The following HELLS variants were observed in gnomAD, a reference collection of about 807,000 sequenced individuals.
HELLS encodes the protein lymphoid-specific helicase.
Under a neutral mutation model 120.0 loss-of-function variants are expected in HELLS, and 32 were observed. That is an observed-to-expected ratio of 0.27 (90% CI 0.20 to 0.36). HELLS has a LOEUF of 0.36. HELLS is among the 10% of genes least tolerant of loss of function. The probability of loss-of-function intolerance (pLI) is 1.00; values close to 1 mark genes in which losing one functional copy is unlikely to be tolerated. For synonymous variants in HELLS, 341 were observed against 323.4 expected, an observed-to-expected ratio of 1.05 and a Z score of -0.58; for missense variants, 650 against 993.4, an observed-to-expected ratio of 0.65 and a Z score of 4.65.
At chr10:94,550,366 C>G (rs1842924423) in intron 2 of HELLS, among the ~76,000 whole-genome samples, 1 of 152,042 alleles carries the variant, frequency 6.6e-6, no homozygotes, top group South Asian at 2.1e-4. Context: ...GCGACCTTCA[C>G]CTGCCGGGTT....
chr10:94,595,660 G>A (rs947795286), intron 19 of HELLS, among the ~76,000 whole-genome samples: 1 of 152,058 alleles, frequency 6.6e-6, no homozygotes, highest in Non-Finnish European at 1.5e-5. Flanking sequence ...GTGGGGAACT[G>A]ACATAGGTGA....
downstream of HELLS, among the ~76,000 whole-genome samples, chr10:94,604,735 A>C (rs1846109089): frequency 6.6e-6 from 1 of 152,168 alleles, no homozygotes; most frequent in Non-Finnish European, 1.5e-5. Context: ...AGTATTATTA[A>C]AGCTTTAGAT....
At chr10:94,552,633 G>A (rs1843042909) in intron 2 of HELLS, among the ~76,000 whole-genome samples, 1 of 152,146 alleles carries the variant, frequency 6.6e-6, no homozygotes, top group Non-Finnish European at 1.5e-5. Flanking sequence ...TATAATTGTT[G>A]CAGTACATGT....
intron 2 of HELLS, among the ~76,000 whole-genome samples, chr10:94,550,767 T>C (rs1298560262): frequency 6.6e-6 from 1 of 152,062 alleles, no homozygotes; most frequent in Admixed American, 6.5e-5. Context: ...CACGCGCCTA[T>C]AGTCCTAGCT....
At chr10:94,604,044 T>C (rs1175752468), downstream of HELLS, among the ~76,000 whole-genome samples, 1 of 151,898 alleles carries the variant, frequency 6.6e-6, no homozygotes, top group African/African-American at 2.4e-5. Flanking sequence ...GTAAGGCTGG[T>C]CTCCAACTCC....
chr10:94,563,808 C>CTTTTTT (rs10623208), intron 6 of HELLS, among the ~76,000 whole-genome samples: 1 of 136,424 alleles, frequency 7.3e-6, no homozygotes, highest in Non-Finnish European at 1.6e-5. Flanking sequence ...GTTTTCTTTT[C>CTTTTTT]TTTTTTTTTT....
At position 94,591,095 on chromosome 10, in the gene HELLS, GA is replaced by G. The variant is rs533771743; in HGVS notation, c.1767+320del. Among the ~76,000 whole-genome samples the G allele has an allele frequency of 1.4e-3, 217 of 152,228 alleles. 1 individual carries two copies. The highest frequency in any genetic ancestry group is 1.3e-3 in the Non-Finnish European group (87 of 68,012). Reference sequence around the variant, plus strand: ...CAGGCAATCCTGCCTCAGCTTCCCAGAGTGCTAGGATTACAGGCAAGAGCCA... The same window carrying G: ...CAGGCAATCCTGCCTCAGCTTCCCAGGTGCTAGGATTACAGGCAAGAGCCA... On this transcript the variant is annotated intron_variant, in intron 15 of 21. Coordinates refer to ENST00000348459, the MANE Select transcript of HELLS (RefSeq NM_018063.5).
chr10:94,567,368 G>A (rs574866320), intron 6 of HELLS, among the ~76,000 whole-genome samples: 5 of 152,084 alleles, frequency 3.3e-5, no homozygotes, highest in East Asian at 3.9e-4. Context: ...GCGCCATCTC[G>A]GCTCATTGCA....
At chr10:94,565,365 T>C (rs1213802847) in intron 6 of HELLS, among the ~76,000 whole-genome samples, 1 of 151,222 alleles carries the variant, frequency 6.6e-6, no homozygotes, top group Non-Finnish European at 1.5e-5. Flanking sequence ...CCACTGAAAT[T>C]CATTATGGTA....
chr10:94,613,288 T>G (rs1259920358), exon 10 of HELLS: 1 of 152,262 alleles, frequency 6.6e-6, no homozygotes, highest in Non-Finnish European at 1.5e-5. Flanking sequence ...TTTGCATTTC[T>G]TCCATTTTAT....
chr10:94,589,387 A>G (rs1159373973), intron 13 of HELLS, among the ~76,000 whole-genome samples: 1 of 152,204 alleles, frequency 6.6e-6, no homozygotes, highest in Non-Finnish European at 1.5e-5. Context: ...GGAAATGCTT[A>G]TTGGAGCATT....
At chr10:94,565,353 G>T (rs1029416932) in intron 6 of HELLS, among the ~76,000 whole-genome samples, 2 of 151,260 alleles carry the variant, frequency 1.3e-5, no homozygotes, top group African/African-American at 4.9e-5. Flanking sequence ...CAAAGTTAGG[G>T]TCCACTGAAA....
At chr10:94,562,042 A>G (rs1843584063) in intron 4 of HELLS, among the ~76,000 whole-genome samples, 1 of 151,132 alleles carries the variant, frequency 6.6e-6, no homozygotes, top group African/African-American at 2.4e-5. Flanking sequence ...CTGCCTCCCA[A>G]AGTGCTGGGA....
intron 7 of HELLS, among the ~76,000 whole-genome samples, chr10:94,573,259 G>GT (rs1844268218): frequency 6.6e-6 from 1 of 152,054 alleles, no homozygotes; most frequent in South Asian, 2.1e-4. Flanking sequence ...TGCCCGGCCT[G>GT]TATGTTTTCT....
chr10:94,580,807 GAT>G (rs980550930), intron 10 of HELLS, among the ~76,000 whole-genome samples: 1 of 151,980 alleles, frequency 6.6e-6, no homozygotes, highest in African/African-American at 2.4e-5. Context: ...TCCTGATTAA[GAT>G]ATATGAGAAA....
Position 94,581,534 on chromosome 10 carries a change from A to G in HELLS, c.1229+12A>G. 1 of 1,571,654 alleles carries G rather than the reference A, an allele frequency of 6.4e-7. No individual in the cohort carries two copies. Among genetic ancestry groups the G allele is most frequent in the Non-Finnish European group, 8.6e-7 (1 of 1,156,716 alleles). ...GATGACTTGAAAAGGTGGGTAAGCCAGTTATTTAATGATTTAACCTCAAAA... is the reference window on the plus strand; with the variant it reads ...GATGACTTGAAAAGGTGGGTAAGCCGGTTATTTAATGATTTAACCTCAAAA... On this transcript the variant is annotated intron_variant, in intron 11 of 21. Coordinates refer to ENST00000348459, the MANE Select transcript of HELLS (RefSeq NM_018063.5).
intron 21 of HELLS, among the ~76,000 whole-genome samples, chr10:94,601,180 CTT>C (rs1442653841): frequency 6.6e-6 from 1 of 152,096 alleles, no homozygotes; most frequent in East Asian, 1.9e-4. Context: ...GATTGGGCCT[CTT>C]TTTAAAACGT....
intron 6 of HELLS, among the ~76,000 whole-genome samples, chr10:94,563,648 A>T (rs1843658200): frequency 6.6e-6 from 1 of 151,920 alleles, no homozygotes; most frequent in South Asian, 2.1e-4. Flanking sequence ...CACCATGCAC[A>T]GCTGGCTAAT....
In HELLS at chr10:94,601,414, T is replaced by C. The variant is rs1345233422; in HGVS notation, c.2423-114T>C. The stretch of plus-strand genomic sequence containing the variant: ...AGAGAGTGCCCTGTATTACTGTGAG[T>C]TTTATAATTTTGGACAGATGACTCA... On this transcript the variant is annotated intron_variant, in intron 21 of 21. Coordinates refer to ENST00000348459, the MANE Select transcript of HELLS (RefSeq NM_018063.5). 4 of 641,460 alleles carry C rather than the reference T, an allele frequency of 6.2e-6. No individual in the cohort carries two copies. In the African/African-American group the frequency reaches 7.5e-5, roughly 12 times the overall value. 39.7% of individuals were successfully genotyped at this position (641,460 alleles called of 1,614,324 possible).
Sources: gnomAD v4.1 joint callset for allele counts (sites outside exome capture counted in the v4.1 genomes callset) on GRCh38, gnomAD v4.1.1 for gene constraint, MANE v1.5 for transcripts, NCBI Gene and HGNC (gene_info 2026-07-23, HGNC 2026-07-21) for gene names.